POLR2F: variants seen among roughly 807,000 people sequenced by gnomAD.
The protein encoded by POLR2F is DNA-directed RNA polymerases I, II, and III subunit RPABC2.
POLR2F carries 12 observed loss-of-function variants against 22.7 expected under a neutral mutation model. The ratio of observed to expected loss-of-function variants is 0.53; its 90% CI spans 0.34 to 0.86. POLR2F has a LOEUF of 0.86. Among genes scored for constraint, POLR2F ranks in the 40% least tolerant of loss-of-function variants. The pLI is 0.02. For synonymous variants in POLR2F, 57 were observed against 66.0 expected, an observed-to-expected ratio of 0.86 and a Z score of 0.66; for missense variants, 126 against 171.5, an observed-to-expected ratio of 0.73 and a Z score of 1.48.
rs564384921 is a variant in POLR2F, at chr22:37,980,405, C to G, written c.293+13235C>G. 2.3e-4 allele frequency among the ~76,000 whole-genome samples: 35 copies of G among 152,154 alleles called. No homozygotes were observed. Among genetic ancestry groups the G allele is most frequent in the Non-Finnish European group, 4.0e-4 (27 of 68,022 alleles). ...GCAGCCAGCATCAGCAAGAAAGTGA[C>G]AGGGGCCAGAAGAGAGAGAGGATTC... On this transcript the variant is annotated intron_variant, in intron 4 of 4. Coordinates refer to the POLR2F transcript ENST00000405557. The surrounding 1 kb of genome is among the most constrained non-coding windows in gnomAD (Gnocchi z 4.1).
chr22:38,033,164 A>T (rs1007659417), intron 5 of POLR2F: 1 of 155,232 alleles, frequency 6.4e-6, no homozygotes, highest in Non-Finnish European at 1.5e-5. Context: ...GTCTTAAAAA[A>T]AAAAGAAAGA....
chr22:37,981,627 G>A (rs958384557), upstream of POLR2F, among the ~76,000 whole-genome samples: 4 of 152,304 alleles, frequency 2.6e-5, no homozygotes, highest in South Asian at 2.1e-4. Flanking sequence ...CGTTGGGCTC[G>A]TACTGTGGTC....
upstream of POLR2F, chr22:37,983,721 A>T: frequency 6.7e-7 from 1 of 1,493,842 alleles, no homozygotes; most frequent in Non-Finnish European, 8.8e-7. This position sits in a 1 kb window ranked among gnomAD's most constrained non-coding sequence, Gnocchi z 9.5. Flanking sequence ...GGGGACAGGC[A>T]GCGGGGCTCC....
In POLR2F at chr22:37,980,052, C is replaced by T. The variant is rs59450552; in HGVS notation, c.293+12882C>T. On this transcript the variant is annotated intron_variant, in intron 4 of 4. Coordinates refer to the POLR2F transcript ENST00000405557. The surrounding 1 kb of genome is among the most constrained non-coding windows in gnomAD (Gnocchi z 4.1). ...GCTTAGCCTCCCTGTCTACTCCCCC[C>T]ACCCCGGCCCTGAGCCCAGCCCTAG... is the stretch of plus-strand genomic sequence containing the variant. 2.0e-5 allele frequency among the ~76,000 whole-genome samples: 3 copies of T among 152,286 alleles called. No homozygotes were observed. Among genetic ancestry groups the T allele is most frequent in the South Asian group, 4.1e-4 (2 of 4,820 alleles).
At chr22:37,994,824 TAG>T (rs912738029) in intron 1 of POLR2F, among the ~76,000 whole-genome samples, 9 of 152,208 alleles carry the variant, frequency 5.9e-5, no homozygotes, top group Admixed American at 6.5e-5. Context: ...TATTTTTTTG[TAG>T]AGACAGGGTT....
chr22:38,008,851 C>T (rs1365134062), intron 1 of POLR2F, among the ~76,000 whole-genome samples: 2 of 145,940 alleles, frequency 1.4e-5, no homozygotes, highest in Admixed American at 6.9e-5. Flanking sequence ...GAGTGAGATG[C>T]TGTCTCAAAA....
At chr22:38,025,370 G>A (rs148373462) in intron 1 of POLR2F, among the ~76,000 whole-genome samples, 224 of 151,752 alleles carry the variant, frequency 1.5e-3, no homozygotes, top group African/African-American at 5.2e-3. Flanking sequence ...ACACACACAC[G>A]CACAGTCATA....
rs1376375073 is a variant in POLR2F at position 37,968,709 on chromosome 22, A to G, written c.*994A>G. 1.0e-6 allele frequency: 1 copy of G among 985,418 alleles called. No individual in the cohort carries two copies. Among genetic ancestry groups the G allele is most frequent in the Non-Finnish European group, 1.2e-6 (1 of 829,918 alleles). The allele number at this position is 985,418 out of a possible 1,614,324, so 61.0% of individuals were successfully genotyped here. ...GGATAGAGGGTAAACTGGCTCCCTG[A>G]ATATGCCAGCCTTAACCTCCATTCC... On this transcript the variant is annotated 3_prime_UTR_variant, in exon 5 of 5. Transcript: ENST00000442738.
At chr22:37,981,622 G>A (rs971151532), upstream of POLR2F, among the ~76,000 whole-genome samples, 1 of 152,156 alleles carries the variant, frequency 6.6e-6, no homozygotes, top group African/African-American at 2.4e-5. Context: ...ACTCTCGTTG[G>A]GCTCGTACTG....
chr22:37,962,238 A>G (rs1931671670), intron 3 of POLR2F, among the ~76,000 whole-genome samples: 1 of 151,732 alleles, frequency 6.6e-6, no homozygotes, highest in African/African-American at 2.4e-5. Context: ...AAACAAACAA[A>G]CAAACAAACA....
intron 3 of POLR2F, among the ~76,000 whole-genome samples, chr22:37,961,312 C>T (rs1055335458): frequency 6.6e-6 from 1 of 152,258 alleles, no homozygotes; most frequent in Middle Eastern, 3.4e-3. Context: ...TGCCTCAGCT[C>T]CCAAAGTGCT....
At chr22:38,019,552 G>A (rs767521733) in intron 1 of POLR2F, among the ~76,000 whole-genome samples, 11 of 152,196 alleles carry the variant, frequency 7.2e-5, no homozygotes, top group Admixed American at 2.0e-4. Context: ...AAAATGGCCC[G>A]GTTCACAGGA....
At chr22:38,024,013 T>A (rs550613510) in intron 1 of POLR2F, among the ~76,000 whole-genome samples, 1 of 151,976 alleles carries the variant, frequency 6.6e-6, no homozygotes, top group Non-Finnish European at 1.5e-5. Context: ...GGTTAATTTT[T>A]TGTATTTTTA....
chr22:38,036,006 C>T (rs1243126226), intron 5 of POLR2F, among the ~76,000 whole-genome samples: 3 of 147,388 alleles, frequency 2.0e-5, no homozygotes, highest in African/African-American at 5.1e-5. Context: ...GACAGAGTCT[C>T]GATCTGTTGC....
intron 1 of POLR2F, among the ~76,000 whole-genome samples, chr22:37,955,858 T>C (rs538396604): frequency 5.9e-5 from 9 of 151,800 alleles, no homozygotes; most frequent in African/African-American, 1.7e-4. Context: ...AATTTTTTTG[T>C]ATTTTTAGCA....
At chr22:37,960,950 G>T (rs1046614350) in intron 3 of POLR2F, among the ~76,000 whole-genome samples, 2 of 149,978 alleles carry the variant, frequency 1.3e-5, no homozygotes, top group African/African-American at 2.5e-5. Flanking sequence ...CTAGGATCAC[G>T]CCATTCTCCT....
chr22:38,033,761 C>T (rs919563052), intron 5 of POLR2F, among the ~76,000 whole-genome samples: 3 of 152,156 alleles, frequency 2.0e-5, no homozygotes, highest in Non-Finnish European at 4.4e-5. Context: ...CACCGGAAGG[C>T]GCCACGGCCC....
upstream of POLR2F, chr22:37,983,288 G>C: frequency 6.6e-7 from 1 of 1,524,458 alleles, no homozygotes; most frequent in Non-Finnish European, 8.9e-7. The surrounding 1 kb of genome is among the most constrained non-coding windows in gnomAD (Gnocchi z 9.5). Flanking sequence ...AGGAGGCCGG[G>C]CCGCCTCGGC....
chr22:37,994,062 A>G (rs575067699), intron 1 of POLR2F, among the ~76,000 whole-genome samples: 2 of 152,346 alleles, frequency 1.3e-5, no homozygotes, highest in East Asian at 3.9e-4. Flanking sequence ...TGCCTCTTTC[A>G]GTCATTTCAA....
Sources: gnomAD v4.1 joint callset for allele counts (sites outside exome capture counted in the v4.1 genomes callset) on GRCh38, gnomAD v4.1.1 for gene constraint, Gnocchi (gnomAD v3.1) non-coding constraint, MANE v1.5 for transcripts, NCBI Gene and HGNC (gene_info 2026-07-23, HGNC 2026-07-21) for gene names.